The following SEMA3E variants were observed in gnomAD, a reference collection of about 807,000 sequenced individuals.
The protein encoded by SEMA3E is semaphorin 3E.
A neutral mutation model predicts 93.6 loss-of-function variants in SEMA3E; 49 were observed. The ratio of observed to expected loss-of-function variants is 0.52; its 90% CI spans 0.42 to 0.66. SEMA3E has a LOEUF of 0.66. Ranked by LOEUF, SEMA3E falls within the 30% of genes least tolerant of loss-of-function variation. The pLI is 0.00. For synonymous variants in SEMA3E, 363 were observed against 330.7 expected (o/e 1.10, Z -1.06); for missense variants, 906 against 964.8 (o/e 0.94, Z 0.81).
At chr7:83,402,826 A>G in intron 9 of SEMA3E, 50 bp from the exon 10 acceptor site, 2 of 1,540,672 alleles carry the variant, frequency 1.3e-6, no homozygotes, top group Non-Finnish European at 1.8e-6. Context: ...ACTGCAGGTC[A>G]TCTAGCCAAA....
At chr7:83,469,398 C>CTTTTT (rs10650403) in intron 2 of SEMA3E, 96 bp from the exon 3 acceptor site, 16,701 of 594,848 alleles carry the variant, frequency 0.028, 13 homozygotes, top group Middle Eastern at 0.041. Context: ...AAAACATTTC[C>CTTTTT]TTTTTTTTTT....
intron 1 of SEMA3E, among the ~76,000 whole-genome samples, chr7:83,631,453 A>G (rs950121115): frequency 5.3e-5 from 8 of 152,226 alleles, no homozygotes; most frequent in Non-Finnish European, 7.3e-5. Flanking sequence ...TTTTAAATTT[A>G]AAAAGAAAAA....
At chr7:83,468,958 A>G (rs934957204) in intron 3 of SEMA3E, among the ~76,000 whole-genome samples, 2 of 152,212 alleles carry the variant, frequency 1.3e-5, no homozygotes, top group South Asian at 2.1e-4. Flanking sequence ...TTTTCTGCCA[A>G]ATACATGAGA....
chr7:83,591,367 A>T (rs1194278081), intron 1 of SEMA3E, among the ~76,000 whole-genome samples: 1 of 151,832 alleles, frequency 6.6e-6, no homozygotes, highest in Non-Finnish European at 1.5e-5. Context: ...TACATTCTGT[A>T]CATTGCTTAA....
chr7:83,499,201 A>G (rs1238399834), intron 1 of SEMA3E, among the ~76,000 whole-genome samples: 2 of 152,162 alleles, frequency 1.3e-5, no homozygotes, highest in African/African-American at 4.8e-5. Flanking sequence ...ATATATGAAT[A>G]TATGTCCATT....
intron 2 of SEMA3E, among the ~76,000 whole-genome samples, chr7:83,480,766 A>T (rs1267314185): frequency 6.6e-6 from 1 of 152,168 alleles, no homozygotes; most frequent in Non-Finnish European, 1.5e-5. Context: ...AGTTTAAATA[A>T]CTATGCATTA....
In SEMA3E at chr7:83,367,946, T is replaced by C; in HGVS notation, c.1968A>G (p.Thr656=). The C allele has an allele frequency of 6.2e-7, 1 of 1,613,350 alleles. No individual in the cohort carries two copies. Among genetic ancestry groups the C allele is most frequent in the Non-Finnish European group, 8.5e-7 (1 of 1,179,686 alleles). ...KSDAGTYFCQ[T]VEHSFVHTVR... is the part of the protein sequence containing the mutation. ...CCGTATGGACAAAGCTATGCTCTACTGTCTGGCAAAAATAGGTCCCAGCAT... is the reference window on the plus strand; with the variant it reads ...CCGTATGGACAAAGCTATGCTCTACCGTCTGGCAAAAATAGGTCCCAGCAT... The change falls in exon 17 of 17, where the codon ACA becomes ACG. Residue 656 remains threonine, a synonymous_variant. Transcript: ENST00000643230.
chr7:83,422,279 AG>A (rs1248874677), intron 4 of SEMA3E, among the ~76,000 whole-genome samples: 2 of 152,186 alleles, frequency 1.3e-5, no homozygotes, highest in Non-Finnish European at 2.9e-5. Flanking sequence ...AAGCCAAAAA[AG>A]TTTTACCTTT....
intron 16 of SEMA3E, among the ~76,000 whole-genome samples, chr7:83,378,829 A>C (rs1584203047): frequency 6.6e-6 from 1 of 151,844 alleles, no homozygotes; most frequent in East Asian, 1.9e-4. Context: ...TTTATGAAAA[A>C]CAATATAGAG....
At chr7:83,611,269 A>C (rs1188723860) in intron 1 of SEMA3E, among the ~76,000 whole-genome samples, 12 of 143,738 alleles carry the variant, frequency 8.3e-5, no homozygotes, top group Non-Finnish European at 1.7e-4. Flanking sequence ...ATTATATATA[A>C]ATTTATATAT....
intron 1 of SEMA3E, among the ~76,000 whole-genome samples, chr7:83,611,292 T>TTA (rs932351751): frequency 4.2e-5 from 6 of 143,600 alleles, no homozygotes; most frequent in Non-Finnish European, 7.6e-5. Context: ...TATATTAAAT[T>TTA]TATATATTAT....
At chr7:83,467,937 T>A (rs1442588595) in intron 3 of SEMA3E, among the ~76,000 whole-genome samples, 1 of 152,216 alleles carries the variant, frequency 6.6e-6, no homozygotes, top group Non-Finnish European at 1.5e-5. Flanking sequence ...TCAACTTGGC[T>A]AAATTAATTT....
At chr7:83,609,279 A>G (rs1218371322) in intron 1 of SEMA3E, among the ~76,000 whole-genome samples, 1 of 151,978 alleles carries the variant, frequency 6.6e-6, no homozygotes, top group African/African-American at 2.4e-5. Flanking sequence ...AACAACAACA[A>G]AGGTTTACAT....
At chr7:83,496,049 C>A (rs551251981) in intron 1 of SEMA3E, among the ~76,000 whole-genome samples, 2 of 151,892 alleles carry the variant, frequency 1.3e-5, no homozygotes, top group Non-Finnish European at 2.9e-5. Flanking sequence ...ATGGCATGTA[C>A]TATCTAAGGG....
chr7:83,482,980 G>A (rs1790180301), intron 2 of SEMA3E, among the ~76,000 whole-genome samples: 1 of 152,172 alleles, frequency 6.6e-6, no homozygotes, highest in Middle Eastern at 3.4e-3. Context: ...GGCTAAGAAG[G>A]TAGAGGAGAG....
At chr7:83,561,667 T>C (rs1792032185) in intron 1 of SEMA3E, among the ~76,000 whole-genome samples, 1 of 152,124 alleles carries the variant, frequency 6.6e-6, no homozygotes, top group Non-Finnish European at 1.5e-5. Flanking sequence ...CTTTGAAAAT[T>C]GTATGTCAAT....
chr7:83,387,967 G>T (rs377037153), intron 14 of SEMA3E, among the ~76,000 whole-genome samples: 2 of 145,678 alleles, frequency 1.4e-5, no homozygotes, highest in African/African-American at 2.5e-5. Context: ...ATATGTATAT[G>T]TAATTCAAGA....
chr7:83,594,695 T>C (rs1020958620), intron 1 of SEMA3E, among the ~76,000 whole-genome samples: 1 of 152,128 alleles, frequency 6.6e-6, no homozygotes, highest in Non-Finnish European at 1.5e-5. Context: ...TACTTTCTAG[T>C]ATCCGTTTCC....
At chr7:83,559,483 A>G (rs1055589974) in intron 1 of SEMA3E, among the ~76,000 whole-genome samples, 1 of 152,096 alleles carries the variant, frequency 6.6e-6, no homozygotes, top group African/African-American at 2.4e-5. Flanking sequence ...GCTCAATATC[A>G]TCTGTCACTA....
Sources: gnomAD v4.1 joint callset for allele counts (sites outside exome capture counted in the v4.1 genomes callset) on GRCh38, gnomAD v4.1.1 for gene constraint, MANE v1.5 for transcripts, NCBI Gene and HGNC (gene_info 2026-07-23, HGNC 2026-07-21) for gene names.